MGAT4C: variants seen among roughly 807,000 people sequenced by gnomAD.
MGAT4C encodes alpha-1,3-mannosyl-glycoprotein 4-beta-N-acetylglucosaminyltransferase C.
Under a neutral mutation model 40.1 loss-of-function variants are expected in MGAT4C, and 19 were observed. That is an observed-to-expected ratio of 0.47 (90% CI 0.33 to 0.70). The LOEUF (loss-of-function observed/expected upper bound fraction) is 0.70. Ranked by LOEUF, MGAT4C falls within the 30% of genes least tolerant of loss-of-function variation. The probability of loss-of-function intolerance (pLI) is 0.02; values close to 1 mark genes in which losing one functional copy is unlikely to be tolerated. For missense variants in MGAT4C, 491 were observed against 563.2 expected, an observed-to-expected ratio of 0.87 and a Z score of 1.30; for synonymous variants, 181 against 187.1, an observed-to-expected ratio of 0.97 and a Z score of 0.27.
chr12:86,612,778 G>A (rs77304792), intron 2 of MGAT4C, among the ~76,000 whole-genome samples: 12,683 of 146,234 alleles, frequency 0.087, 883 homozygotes, highest in African/African-American at 0.19. Flanking sequence ...GTTACATACC[G>A]CCCCTGCACC....
intron 2 of MGAT4C, among the ~76,000 whole-genome samples, chr12:86,025,440 C>G (rs1890159624): frequency 1.3e-5 from 2 of 151,692 alleles, no homozygotes; most frequent in South Asian, 4.1e-4. Flanking sequence ...TATTCCCTAG[C>G]AGTCTCATAC....
At chr12:86,787,331 A>G (rs1471776643) in intron 1 of MGAT4C, among the ~76,000 whole-genome samples, 1 of 69,738 alleles carries the variant, frequency 1.4e-5, no homozygotes, top group Admixed American at 1.8e-4. Flanking sequence ...CATTATTTTT[A>G]TGACTGAGTA....
chr12:86,038,675 T>C lies in MGAT4C; in HGVS notation c.-7+10999A>G, dbSNP rs1348773575. Reference sequence around the variant, plus strand: ...CCTGAATACAGCACACCGATGGGTCTTGACTCTATCCAATTTGCAAGGCTT... The same window carrying C: ...CCTGAATACAGCACACCGATGGGTCCTGACTCTATCCAATTTGCAAGGCTT... On this transcript the variant is annotated intron_variant, in intron 2 of 4. Transcript: ENST00000611864. 3.3e-5 allele frequency among the ~76,000 whole-genome samples: 5 copies of C among 150,068 alleles called. No individual in the cohort carries two copies. In the East Asian group the frequency reaches 9.6e-4, roughly 29 times the overall value.
intron 2 of MGAT4C, among the ~76,000 whole-genome samples, chr12:86,527,734 GTTA>G (rs1252178261): frequency 1.3e-5 from 2 of 151,914 alleles, no homozygotes; most frequent in Non-Finnish European, 1.5e-5. Flanking sequence ...TTAATTTCTA[GTTA>G]TTTTATATTG....
At chr12:86,536,679 T>C (rs1190786191) in intron 2 of MGAT4C, among the ~76,000 whole-genome samples, 2 of 152,176 alleles carry the variant, frequency 1.3e-5, no homozygotes, top group African/African-American at 4.8e-5. Flanking sequence ...AGATTGTGAT[T>C]CAATAATTTT....
intron 2 of MGAT4C, among the ~76,000 whole-genome samples, chr12:86,452,990 A>G (rs1284107831): frequency 6.6e-6 from 1 of 152,128 alleles, no homozygotes; most frequent in Admixed American, 6.6e-5. Context: ...CAGTCACATG[A>G]GTTTTGCATT....
chr12:86,638,748 T>A (rs1963294666), intron 2 of MGAT4C, among the ~76,000 whole-genome samples: 1 of 151,834 alleles, frequency 6.6e-6, no homozygotes, highest in African/African-American at 2.4e-5. Flanking sequence ...TATTTTATTA[T>A]AAATAAATAC....
chr12:86,228,786 C>T (rs1238313248), intron 1 of MGAT4C, among the ~76,000 whole-genome samples: 2 of 151,884 alleles, frequency 1.3e-5, no homozygotes, highest in Non-Finnish European at 2.9e-5. Flanking sequence ...CATTACAGTA[C>T]TTAGATATTA....
At chr12:86,807,706 C>T (rs12370794) in intron 1 of MGAT4C, among the ~76,000 whole-genome samples, 18,793 of 152,082 alleles carry the variant, frequency 0.12, 1,304 homozygotes, top group Non-Finnish European at 0.15. Context: ...CCCGCACTGT[C>T]GTCCATAATG....
chr12:86,080,176 C>G (rs1335638797), intron 1 of MGAT4C, among the ~76,000 whole-genome samples: 1 of 152,100 alleles, frequency 6.6e-6, no homozygotes. Flanking sequence ...TCCTTCTCCT[C>G]CCCTCTGCAT....
intron 1 of MGAT4C, among the ~76,000 whole-genome samples, chr12:86,765,482 C>G (rs1364082574): frequency 1.3e-5 from 2 of 152,140 alleles, no homozygotes; most frequent in African/African-American, 2.4e-5. Context: ...TCCAGCAAGG[C>G]AGGCCAACAT....
chr12:86,369,567 A>G (rs1286056578), intron 3 of MGAT4C, among the ~76,000 whole-genome samples: 2 of 151,982 alleles, frequency 1.3e-5, no homozygotes, highest in Non-Finnish European at 2.9e-5. Context: ...CAGTCTTCTC[A>G]GCTATTAACA....
chr12:86,014,406 A>ATGCCTG (rs1343757733), intron 2 of MGAT4C, among the ~76,000 whole-genome samples: 24 of 152,242 alleles, frequency 1.6e-4, no homozygotes, highest in Admixed American at 4.6e-4. Context: ...CTTCAAGCAG[A>ATGCCTG]TGCCTGCTTG....
intron 4 of MGAT4C, among the ~76,000 whole-genome samples, chr12:86,322,780 G>C (rs1020207648): frequency 6.6e-6 from 1 of 151,934 alleles, no homozygotes; most frequent in Non-Finnish European, 1.5e-5. Flanking sequence ...ATGAGTCATA[G>C]AGCATATATT....
chr12:86,159,348 G>T (rs966180406), intron 1 of MGAT4C, among the ~76,000 whole-genome samples: 1 of 150,598 alleles, frequency 6.6e-6, no homozygotes, highest in Non-Finnish European at 1.5e-5. Flanking sequence ...TGTTGAACCC[G>T]CCTCACATCT....
At chr12:86,718,438 G>GTCACACA (rs1950684431) in intron 2 of MGAT4C, among the ~76,000 whole-genome samples, 1 of 152,144 alleles carries the variant, frequency 6.6e-6, no homozygotes, top group Admixed American at 6.5e-5. Context: ...AATGTCTGAG[G>GTCACACA]ATGGGGTTAT....
At chr12:86,507,374 G>T (rs1958489222) in intron 2 of MGAT4C, among the ~76,000 whole-genome samples, 1 of 152,060 alleles carries the variant, frequency 6.6e-6, no homozygotes, top group Non-Finnish European at 1.5e-5. Flanking sequence ...CCTTTATTTG[G>T]CTTCATGTAA....
intron 2 of MGAT4C, among the ~76,000 whole-genome samples, chr12:86,668,225 G>A (rs779717699): frequency 1.3e-5 from 2 of 152,150 alleles, no homozygotes; most frequent in Non-Finnish European, 2.9e-5. Flanking sequence ...GATCAACTCT[G>A]TGAGCTTTAA....
chr12:86,828,452 T>G (rs1279098441), intron 1 of MGAT4C, among the ~76,000 whole-genome samples: 1 of 151,518 alleles, frequency 6.6e-6, no homozygotes, highest in Non-Finnish European at 1.5e-5. Context: ...TTTTGTGTGC[T>G]GTATTCTTAG....
Sources: allele counts gnomAD v4.1 joint callset (sites outside exome capture counted in the v4.1 genomes callset), GRCh38; gene constraint gnomAD v4.1.1; transcripts MANE v1.5; gene names NCBI Gene and HGNC (gene_info 2026-07-23, HGNC 2026-07-21).